GALNT13: variants seen among roughly 807,000 people sequenced by gnomAD.
GALNT13 encodes polypeptide N-acetylgalactosaminyltransferase 13.
In GALNT13, 28 loss-of-function variants were observed where a neutral mutation model predicts 64.2. The observed-to-expected ratio is 0.44, with a 90% CI of 0.32 to 0.60. GALNT13 has a LOEUF of 0.60. Ranked by LOEUF, GALNT13 falls within the 20% of genes least tolerant of loss-of-function variation. The pLI is 0.05. For synonymous variants in GALNT13, 214 were observed against 224.6 expected (o/e 0.95, Z 0.42); for missense variants, 577 against 669.8 (o/e 0.86, Z 1.53).
intron 3 of GALNT13, among the ~76,000 whole-genome samples, chr2:154,127,162 A>T (rs1295641115): frequency 6.6e-6 from 1 of 152,194 alleles, no homozygotes; most frequent in Non-Finnish European, 1.5e-5. Context: ...GATATATATT[A>T]GAGTTTTCCC....
the GALNT13 span, among the ~76,000 whole-genome samples, chr2:153,389,906 G>T: frequency 6.6e-6 from 1 of 151,974 alleles, no homozygotes; most frequent in East Asian, 1.9e-4. Flanking sequence ...TCATTATAAA[G>T]TTATTGCACA....
chr2:154,271,627 A>G (rs1044823450), intron 8 of GALNT13, among the ~76,000 whole-genome samples: 9 of 151,932 alleles, frequency 5.9e-5, no homozygotes, highest in Admixed American at 3.9e-4. Flanking sequence ...ATCTCATCAT[A>G]TGAGTGTTTC....
At chr2:153,540,305 T>A in the GALNT13 span, among the ~76,000 whole-genome samples, 1 of 152,194 alleles carries the variant, frequency 6.6e-6, no homozygotes, top group Non-Finnish European at 1.5e-5. Context: ...TGCAGGTGCA[T>A]AGAAGACAAG....
intron 4 of GALNT13, among the ~76,000 whole-genome samples, chr2:154,228,697 G>T (rs1573917728): frequency 6.6e-6 from 1 of 152,174 alleles, no homozygotes; most frequent in South Asian, 2.1e-4. Flanking sequence ...TAGAAGGGAA[G>T]AAATATAACA....
At chr2:153,709,015 T>C in the GALNT13 span, among the ~76,000 whole-genome samples, 1 of 152,004 alleles carries the variant, frequency 6.6e-6, no homozygotes, top group Non-Finnish European at 1.5e-5. Flanking sequence ...ACATAAAACT[T>C]GAACCTTTAA....
chr2:153,334,653 G>A, the GALNT13 span, among the ~76,000 whole-genome samples: 1 of 152,016 alleles, frequency 6.6e-6, no homozygotes, highest in Non-Finnish European at 1.5e-5. Context: ...TTGCCTTTAA[G>A]ATATGAATTA....
At chr2:153,252,928 G>C in the GALNT13 span, among the ~76,000 whole-genome samples, 2 of 151,992 alleles carry the variant, frequency 1.3e-5, no homozygotes, top group African/African-American at 4.8e-5. Flanking sequence ...TGTTCTTTTG[G>C]CTTAGGATTG....
the GALNT13 span, among the ~76,000 whole-genome samples, chr2:153,176,316 A>G: frequency 3.9e-5 from 6 of 152,290 alleles, no homozygotes; most frequent in African/African-American, 9.6e-5. Context: ...CAATGTACGT[A>G]TATACACATT....
chr2:153,107,440 T>A, the GALNT13 span, among the ~76,000 whole-genome samples: 6 of 152,288 alleles, frequency 3.9e-5, no homozygotes, highest in South Asian at 2.1e-4. Context: ...CTCTGTTTTT[T>A]AAAACATGTT....
At chr2:153,740,308 TG>T in the GALNT13 span, among the ~76,000 whole-genome samples, 1 of 152,076 alleles carries the variant, frequency 6.6e-6, no homozygotes. Flanking sequence ...TTATTCATAT[TG>T]GATCAATATT....
At chr2:153,786,555 A>G in the GALNT13 span, among the ~76,000 whole-genome samples, 1 of 151,884 alleles carries the variant, frequency 6.6e-6, no homozygotes, top group Admixed American at 6.6e-5. Flanking sequence ...CTAGGGCTAC[A>G]CTGAGCTTAC....
chr2:153,876,420 G>C (rs1686385188), intron 1 of GALNT13, among the ~76,000 whole-genome samples: 2 of 152,152 alleles, frequency 1.3e-5, no homozygotes, highest in African/African-American at 2.4e-5. Context: ...TGAAAAGTCT[G>C]GTTTTTCATT....
the GALNT13 span, among the ~76,000 whole-genome samples, chr2:153,416,447 T>C: frequency 2.0e-5 from 3 of 152,222 alleles, no homozygotes; most frequent in Non-Finnish European, 4.4e-5. Flanking sequence ...AGCTGATGAA[T>C]AACTGCTTAC....
At chr2:154,447,717 A>G (rs1286689142) in intron 12 of GALNT13, among the ~76,000 whole-genome samples, 1 of 151,950 alleles carries the variant, frequency 6.6e-6, no homozygotes, top group Admixed American at 6.6e-5. Flanking sequence ...CATATGGGGT[A>G]CTATTTTACT....
At chr2:153,895,464 G>T (rs1218015877) in intron 1 of GALNT13, among the ~76,000 whole-genome samples, 1 of 151,888 alleles carries the variant, frequency 6.6e-6, no homozygotes, top group Non-Finnish European at 1.5e-5. Flanking sequence ...TCATTTCAGT[G>T]TTACCTTTTT....
chr2:154,019,755 G>C (rs1697307756), intron 3 of GALNT13, among the ~76,000 whole-genome samples: 1 of 151,612 alleles, frequency 6.6e-6, no homozygotes, highest in Admixed American at 6.6e-5. Context: ...CAACGTACAG[G>C]TTTGTTACAT....
At chr2:153,269,623 A>G in the GALNT13 span, among the ~76,000 whole-genome samples, 7 of 152,238 alleles carry the variant, frequency 4.6e-5, no homozygotes, top group African/African-American at 1.7e-4. Context: ...TTATCTTTGT[A>G]ATAGTACCCT....
At chr2:153,302,417 T>G in the GALNT13 span, among the ~76,000 whole-genome samples, 3 of 152,136 alleles carry the variant, frequency 2.0e-5, no homozygotes, top group Non-Finnish European at 4.4e-5. Flanking sequence ...TTGTTTTTGT[T>G]TTTTTACTAT....
intron 3 of GALNT13, among the ~76,000 whole-genome samples, chr2:154,028,991 C>T (rs1490938457): frequency 6.6e-6 from 1 of 152,018 alleles, no homozygotes; most frequent in Non-Finnish European, 1.5e-5. Context: ...GGAGCAGATA[C>T]TGCCAGATAG....
Sources: gnomAD v4.1 joint callset for allele counts (sites outside exome capture counted in the v4.1 genomes callset) on GRCh38, gnomAD v4.1.1 for gene constraint, MANE v1.5 for transcripts, NCBI Gene and HGNC (gene_info 2026-07-23, HGNC 2026-07-21) for gene names.